The following IMMP2L variants were observed in gnomAD, a reference collection of about 807,000 sequenced individuals.
IMMP2L encodes the protein inner mitochondrial membrane peptidase subunit 2, also known as mitochondrial inner membrane protease subunit 2.
IMMP2L carries 18 observed loss-of-function variants against 19.3 expected under a neutral mutation model. That is an observed-to-expected ratio of 0.93 (90% confidence interval 0.64 to 1.38). The LOEUF (loss-of-function observed/expected upper bound fraction) is 1.38. Ranked by LOEUF, IMMP2L falls within the 40% of genes most tolerant of loss-of-function variation. The pLI, the probability that IMMP2L is intolerant of heterozygous loss-of-function variation, is 0.00. For missense variants in IMMP2L, 233 were observed against 218.2 expected (o/e 1.07, Z -0.43); for synonymous variants, 76 against 73.0 (o/e 1.04, Z -0.21).
intron 3 of IMMP2L, among the ~76,000 whole-genome samples, chr7:111,344,833 G>A (rs1389028634): frequency 6.6e-6 from 1 of 152,062 alleles, no homozygotes; most frequent in Non-Finnish European, 1.5e-5. Flanking sequence ...GAGAATGGAG[G>A]AAAAGAAGAT....
At chr7:111,502,845 C>G (rs1184919451) in intron 2 of IMMP2L, among the ~76,000 whole-genome samples, 1 of 150,804 alleles carries the variant, frequency 6.6e-6, no homozygotes, top group Non-Finnish European at 1.5e-5. Context: ...ATTTATAGCA[C>G]TAAATGCCCA....
intron 3 of IMMP2L, among the ~76,000 whole-genome samples, chr7:111,481,075 G>A (rs1213412923): frequency 6.6e-6 from 1 of 152,044 alleles, no homozygotes; most frequent in African/African-American, 2.4e-5. Context: ...CACCACACTG[G>A]CCATCTATCA....
chr7:111,102,352 A>C (rs943528011), intron 3 of IMMP2L, among the ~76,000 whole-genome samples: 5 of 151,504 alleles, frequency 3.3e-5, no homozygotes, highest in Non-Finnish European at 7.4e-5. Flanking sequence ...GAAACTCAGC[A>C]GTGCCTTATC....
At chr7:111,554,229 T>C (rs576834453) in intron 1 of IMMP2L, among the ~76,000 whole-genome samples, 3 of 152,172 alleles carry the variant, frequency 2.0e-5, no homozygotes, top group Non-Finnish European at 4.4e-5. Context: ...TAATATATAA[T>C]AAACCAGTGT....
At chr7:111,154,442 A>G (rs570204149) in intron 3 of IMMP2L, among the ~76,000 whole-genome samples, 3 of 152,292 alleles carry the variant, frequency 2.0e-5, no homozygotes, top group Non-Finnish European at 4.4e-5. Flanking sequence ...TTTAAATACA[A>G]TAAGAAAAAT....
At chr7:111,435,268 T>G (rs1338438713) in intron 3 of IMMP2L, among the ~76,000 whole-genome samples, 1 of 151,818 alleles carries the variant, frequency 6.6e-6, no homozygotes, top group African/African-American at 2.4e-5. Context: ...ATAGCAAAGG[T>G]ATGGAATCAA....
intron 3 of IMMP2L, among the ~76,000 whole-genome samples, chr7:111,352,090 C>G (rs75401754): frequency 6.6e-6 from 1 of 151,990 alleles, no homozygotes; most frequent in African/African-American, 2.4e-5. Context: ...TACATAAAAC[C>G]AAGACATATG....
At chr7:111,477,788 C>T (rs1275477702) in intron 3 of IMMP2L, among the ~76,000 whole-genome samples, 9 of 152,008 alleles carry the variant, frequency 5.9e-5, no homozygotes, top group East Asian at 3.9e-4. Flanking sequence ...ATCCCAGCTA[C>T]TCAGGAGGCT....
Position 111,487,227 on chromosome 7 carries a change from G to A in IMMP2L, c.239+11C>T. On this transcript the variant is annotated intron_variant, in intron 3 of 5. Coordinates refer to ENST00000405709, the MANE Select transcript of IMMP2L (RefSeq NM_032549.4). Reference sequence around the variant, plus strand: ...TTATATACAAATATAGTATGCTTCTGAGTTACTTACACCAATGATACAATG... The same window carrying A: ...TTATATACAAATATAGTATGCTTCTAAGTTACTTACACCAATGATACAATG... The A allele has an allele frequency of 7.9e-7, 1 of 1,261,410 alleles. No individual in the cohort carries two copies. Among genetic ancestry groups the A allele is most frequent in the Non-Finnish European group, 1.2e-6 (1 of 860,318 alleles). The allele number at this position is 1,261,410 out of a possible 1,614,324, so 78.1% of individuals were successfully genotyped here.
chr7:111,196,124 T>G (rs1023273508), intron 3 of IMMP2L, among the ~76,000 whole-genome samples: 11 of 152,106 alleles, frequency 7.2e-5, no homozygotes, highest in African/African-American at 2.7e-4. Flanking sequence ...TCCTCCCACA[T>G]TAGCCTCCCA....
chr7:110,978,962 T>C (rs988968223), intron 3 of IMMP2L, among the ~76,000 whole-genome samples: 3 of 152,044 alleles, frequency 2.0e-5, no homozygotes, highest in African/African-American at 7.2e-5. Context: ...AAATATACTT[T>C]TTAGTAATTC....
chr7:110,737,781 G>A (rs945457889), intron 5 of IMMP2L, among the ~76,000 whole-genome samples: 2 of 152,124 alleles, frequency 1.3e-5, no homozygotes, highest in African/African-American at 4.8e-5. Context: ...CAAAAACACA[G>A]CCAAGGACCC....
chr7:111,155,751 T>C (rs1804577762), intron 3 of IMMP2L, among the ~76,000 whole-genome samples: 2 of 152,216 alleles, frequency 1.3e-5, no homozygotes, highest in African/African-American at 2.4e-5. Context: ...AAACTTTTCA[T>C]TGTTGCATAA....
chr7:110,933,572 T>G (rs539668205), intron 4 of IMMP2L, among the ~76,000 whole-genome samples: 1 of 152,276 alleles, frequency 6.6e-6, no homozygotes, highest in African/African-American at 2.4e-5. Flanking sequence ...TCAAGAAAAT[T>G]TTCTTTAAAC....
intron 3 of IMMP2L, among the ~76,000 whole-genome samples, chr7:111,273,288 A>C (rs1281037047): frequency 6.6e-6 from 1 of 151,938 alleles, no homozygotes; most frequent in African/African-American, 2.4e-5. Context: ...AAAAAAAAAT[A>C]TATACATACC....
At chr7:110,774,103 T>A (rs371017043) in intron 5 of IMMP2L, among the ~76,000 whole-genome samples, 183 of 152,190 alleles carry the variant, frequency 1.2e-3, no homozygotes, top group African/African-American at 4.1e-3. Context: ...GGGTGCCACA[T>A]TAAAATATTG....
At chr7:110,827,149 C>T (rs1803574480) in intron 5 of IMMP2L, among the ~76,000 whole-genome samples, 1 of 152,030 alleles carries the variant, frequency 6.6e-6, no homozygotes, top group Non-Finnish European at 1.5e-5. Context: ...TTTGGAAATA[C>T]CCAGGGGTTT....
intron 3 of IMMP2L, among the ~76,000 whole-genome samples, chr7:111,480,597 C>CAAAAAAAAAAAAAAAA (rs925037556): frequency 1.8e-5 from 1 of 55,056 alleles, no homozygotes; most frequent in Non-Finnish European, 4.3e-5. Flanking sequence ...ATTTTACTGT[C>CAAAAAAAAAAAAAAAA]AAAAAAAAAA....
intron 3 of IMMP2L, among the ~76,000 whole-genome samples, chr7:111,074,824 T>C (rs1298734399): frequency 6.6e-6 from 1 of 152,184 alleles, no homozygotes; most frequent in Non-Finnish European, 1.5e-5. Flanking sequence ...AGTTTTGCAG[T>C]ACTTTTGGCT....
Sources: allele counts gnomAD v4.1 joint callset (sites outside exome capture counted in the v4.1 genomes callset), GRCh38; gene constraint gnomAD v4.1.1; transcripts MANE v1.5; gene names NCBI Gene and HGNC (gene_info 2026-07-23, HGNC 2026-07-21).